The following TAFA5 variants were observed in gnomAD, a reference collection of about 807,000 sequenced individuals.
The protein encoded by TAFA5 is chemokine-like protein TAFA-5.
Under a neutral mutation model 15.3 loss-of-function variants are expected in TAFA5, and 6 were observed. That is an observed-to-expected ratio of 0.39 (90% CI 0.21 to 0.77). The LOEUF (loss-of-function observed/expected upper bound fraction) is 0.77. Among genes scored for constraint, TAFA5 ranks in the 30% least tolerant of loss-of-function variants. The pLI is 0.41. For synonymous variants in TAFA5, 103 were observed against 80.7 expected (o/e 1.28, Z -1.48); for missense variants, 161 against 193.1 (o/e 0.83, Z 0.98).
chr22:48,708,245 C>T (rs141430528), intron 3 of TAFA5, among the ~76,000 whole-genome samples: 2,306 of 152,258 alleles, frequency 0.015, 32 homozygotes, highest in South Asian at 0.066. Flanking sequence ...CAGGGCACGG[C>T]GGGGGTTCTG....
chr22:48,707,697 C>T lies in TAFA5; in HGVS notation c.263-20C>T. On this transcript the variant is annotated intron_variant, in intron 2 of 3. Coordinates refer to ENST00000402357, the MANE Select transcript of TAFA5 (RefSeq NM_001082967.3). ...TCCATGAGAGTAGCACGCTGATTGC[C>T]TCTCTCTTTTCTCCCACAGCAAGAA... The T allele has an allele frequency of 1.2e-6, 2 of 1,613,220 alleles. No homozygotes were observed. The highest frequency in any genetic ancestry group is 2.7e-5 in the African/African-American group (2 of 75,052).
intron 2 of TAFA5, among the ~76,000 whole-genome samples, chr22:48,683,370 T>A (rs1928255854): frequency 6.6e-6 from 1 of 152,262 alleles, no homozygotes; most frequent in Non-Finnish European, 1.5e-5. Context: ...GTACGGCACT[T>A]GCTGGGCACT....
intron 2 of TAFA5, among the ~76,000 whole-genome samples, chr22:48,653,345 C>G (rs1465891872): frequency 1.3e-5 from 2 of 152,180 alleles, no homozygotes; most frequent in Non-Finnish European, 2.9e-5. Context: ...CCCCGGTTCC[C>G]TAGGACGTGG....
intron 1 of TAFA5, among the ~76,000 whole-genome samples, chr22:48,529,286 G>A (rs372704314): frequency 7.9e-5 from 6 of 76,074 alleles, no homozygotes; most frequent in African/African-American, 2.6e-4. Context: ...TCAGACAGGA[G>A]ATGGGGGTGT....
intron 1 of TAFA5, among the ~76,000 whole-genome samples, chr22:48,634,415 C>T (rs1224262257): frequency 6.6e-6 from 1 of 152,020 alleles, no homozygotes; most frequent in Admixed American, 6.5e-5. Flanking sequence ...TCATTCACTC[C>T]TTTACTCATT....
At chr22:48,630,343 G>A (rs1926173168) in intron 1 of TAFA5, among the ~76,000 whole-genome samples, 1 of 152,198 alleles carries the variant, frequency 6.6e-6, no homozygotes, top group Non-Finnish European at 1.5e-5. Context: ...GGGTGGGGTG[G>A]GGAAATTCTG....
At chr22:48,690,605 T>G (rs760321496) in intron 2 of TAFA5, among the ~76,000 whole-genome samples, 15 of 152,190 alleles carry the variant, frequency 9.9e-5, no homozygotes, top group Non-Finnish European at 2.2e-4. Flanking sequence ...CTTATCTTTG[T>G]GGGCAATTCA....
At chr22:48,720,100 G>T (rs144488704) in intron 3 of TAFA5, among the ~76,000 whole-genome samples, 224 of 152,312 alleles carry the variant, frequency 1.5e-3, no homozygotes, top group African/African-American at 5.1e-3. Context: ...GAAATGTGAG[G>T]ACGCTCGCCC....
chr22:48,712,087 G>A (rs905928888), intron 3 of TAFA5, among the ~76,000 whole-genome samples: 17 of 152,114 alleles, frequency 1.1e-4, no homozygotes, highest in Admixed American at 4.6e-4. Flanking sequence ...ATGGAGTTTC[G>A]CTCTTGTCAC....
intron 1 of TAFA5, among the ~76,000 whole-genome samples, chr22:48,639,387 G>A (rs779941100): frequency 6.6e-6 from 1 of 152,244 alleles, no homozygotes; most frequent in Non-Finnish European, 1.5e-5. Flanking sequence ...GCCTGTCAAA[G>A]TCATTTTGGA....
intron 2 of TAFA5, among the ~76,000 whole-genome samples, chr22:48,671,220 G>T (rs1029863666): frequency 6.6e-6 from 1 of 152,146 alleles, no homozygotes; most frequent in African/African-American, 2.4e-5. Flanking sequence ...CGAGCCATTC[G>T]GGGAAACAGC....
At chr22:48,516,858 G>A (rs1921425403) in intron 1 of TAFA5, among the ~76,000 whole-genome samples, 2 of 152,230 alleles carry the variant, frequency 1.3e-5, no homozygotes, top group South Asian at 4.1e-4. Context: ...TTGATGGGGA[G>A]GGGCTGTGGG....
At chr22:48,495,110 G>A (rs1166701206) in intron 1 of TAFA5, among the ~76,000 whole-genome samples, 3 of 152,198 alleles carry the variant, frequency 2.0e-5, no homozygotes, top group Non-Finnish European at 4.4e-5. Flanking sequence ...AGGCCTCCCT[G>A]TCCCTTGGCG....
At chr22:48,536,748 C>T (rs1243437639) in intron 1 of TAFA5, among the ~76,000 whole-genome samples, 1 of 152,232 alleles carries the variant, frequency 6.6e-6, no homozygotes, top group Non-Finnish European at 1.5e-5. Context: ...CCCATGGGCA[C>T]AGGCGGCGCG....
intron 1 of TAFA5, among the ~76,000 whole-genome samples, chr22:48,584,400 CACAT>C (rs1217212411): frequency 1.3e-5 from 2 of 150,048 alleles, no homozygotes; most frequent in Admixed American, 6.6e-5. Flanking sequence ...ACACACCACA[CACAT>C]AGATACACAT....
chr22:48,616,459 G>A (rs754948973), intron 1 of TAFA5, among the ~76,000 whole-genome samples: 1 of 152,200 alleles, frequency 6.6e-6, no homozygotes, highest in Non-Finnish European at 1.5e-5. Context: ...GGGATCAGGT[G>A]CAGTCACCTG....
At chr22:48,719,627 T>C (rs132250) in intron 3 of TAFA5, among the ~76,000 whole-genome samples, 117,950 of 152,214 alleles carry the variant, frequency 0.77, 46,073 homozygotes, top group African/African-American at 0.87. Context: ...CTTAAACAGG[T>C]CTGAGAGACG....
intron 1 of TAFA5, among the ~76,000 whole-genome samples, chr22:48,627,283 C>T (rs2147186513): frequency 6.6e-6 from 1 of 152,366 alleles, no homozygotes; most frequent in Admixed American, 6.5e-5. Context: ...CAGTAAGAGT[C>T]TTGGTACAGT....
At chr22:48,663,239 T>G (rs928650244) in intron 2 of TAFA5, among the ~76,000 whole-genome samples, 3 of 152,232 alleles carry the variant, frequency 2.0e-5, no homozygotes, top group Non-Finnish European at 4.4e-5. Flanking sequence ...ATCTGAGTTA[T>G]GGACATGTCA....
Sources: allele counts gnomAD v4.1 joint callset (sites outside exome capture counted in the v4.1 genomes callset), GRCh38; gene constraint gnomAD v4.1.1; transcripts MANE v1.5; gene names NCBI Gene and HGNC (gene_info 2026-07-23, HGNC 2026-07-21).